The following KCNQ5 variants were observed in gnomAD, a reference collection of about 807,000 sequenced individuals.
KCNQ5 encodes the protein potassium voltage-gated channel subfamily KQT member 5.
KCNQ5 carries 30 observed loss-of-function variants against 98.2 expected under a neutral mutation model. The ratio of observed to expected loss-of-function variants is 0.31; its 90% CI spans 0.23 to 0.41. KCNQ5 has a LOEUF of 0.41. Among genes scored for constraint, KCNQ5 ranks in the 10% least tolerant of loss-of-function variants. The pLI, the probability that KCNQ5 is intolerant of heterozygous loss-of-function variation, is 1.00. For synonymous variants in KCNQ5, 458 were observed against 449.4 expected (o/e 1.02, Z -0.24); for missense variants, 835 against 1,182.5 (o/e 0.71, Z 4.31).
rs541821122 is a variant in KCNQ5, at chr6:72,782,796, C to T, written c.398+160209C>T. Among the ~76,000 whole-genome samples the T allele has an allele frequency of 1.2e-3, 185 of 152,198 alleles. 1 individual carries two copies. Among genetic ancestry groups the T allele is most frequent in the African/African-American group, 4.3e-3 (179 of 41,532 alleles). ...TATTTATTAATGTATTCATTGTCCTCTTGTCTGTCTAGACTCGTAGGCTCT... is the reference window on the plus strand; with the variant it reads ...TATTTATTAATGTATTCATTGTCCTTTTGTCTGTCTAGACTCGTAGGCTCT... On this transcript the variant is annotated intron_variant, in intron 1 of 13. Coordinates refer to ENST00000370398, the MANE Select transcript of KCNQ5 (RefSeq NM_019842.4).
chr6:73,062,931 T>C (rs879612742), intron 3 of KCNQ5, among the ~76,000 whole-genome samples: 10 of 152,184 alleles, frequency 6.6e-5, no homozygotes, highest in African/African-American at 1.4e-4. Context: ...AGCTAATCCT[T>C]AGGACATTTG....
intron 3 of KCNQ5, among the ~76,000 whole-genome samples, chr6:73,073,158 A>C (rs755733128): frequency 3.3e-5 from 5 of 152,188 alleles, no homozygotes; most frequent in Non-Finnish European, 7.4e-5. Flanking sequence ...CCCTGGATGG[A>C]GTGGTATACC....
At chr6:72,650,472 C>G (rs1765818307) in intron 1 of KCNQ5, among the ~76,000 whole-genome samples, 2 of 152,124 alleles carry the variant, frequency 1.3e-5, no homozygotes, top group African/African-American at 4.8e-5. Context: ...GGGAAAAACA[C>G]AGAAATTCCA....
intron 1 of KCNQ5, among the ~76,000 whole-genome samples, chr6:72,885,765 GC>G: frequency 6.6e-6 from 1 of 152,296 alleles, no homozygotes; most frequent in East Asian, 1.9e-4. Context: ...AGGAAGCAGA[GC>G]CTTCTAGCTG....
At chr6:72,903,539 C>T (rs1158946537) in intron 1 of KCNQ5, among the ~76,000 whole-genome samples, 4 of 152,038 alleles carry the variant, frequency 2.6e-5, no homozygotes, top group East Asian at 1.9e-4. Context: ...TCACTACTGT[C>T]GTTCAATTCA....
At chr6:72,787,700 C>T (rs962656422) in intron 1 of KCNQ5, among the ~76,000 whole-genome samples, 1 of 152,224 alleles carries the variant, frequency 6.6e-6, no homozygotes, top group Admixed American at 6.5e-5. Flanking sequence ...CCACTTGAGT[C>T]AGCATGCCAA....
intron 1 of KCNQ5, among the ~76,000 whole-genome samples, chr6:73,003,115 G>A (rs1408683655): frequency 6.6e-6 from 1 of 152,034 alleles, no homozygotes; most frequent in Non-Finnish European, 1.5e-5. Flanking sequence ...TTGAAACAGA[G>A]CCTTCCCTTT....
At chr6:73,079,712 A>C (rs183670588) in intron 5 of KCNQ5, among the ~76,000 whole-genome samples, 18 of 152,358 alleles carry the variant, frequency 1.2e-4, no homozygotes, top group Non-Finnish European at 2.5e-4. Context: ...ATTCACAAGC[A>C]ATAATGGGCA....
intron 10 of KCNQ5, among the ~76,000 whole-genome samples, chr6:73,138,481 C>T (rs1198945253): frequency 2.6e-5 from 4 of 152,302 alleles, no homozygotes; most frequent in East Asian, 1.9e-4. Context: ...CTTTAGGGAG[C>T]TCCACCTTAC....
chr6:73,055,436 T>C, intron 3 of KCNQ5: 1 of 1,534,952 alleles, frequency 6.5e-7, no homozygotes, highest in Non-Finnish European at 9.0e-7. Flanking sequence ...GATCTGCAGG[T>C]GCTCCTATGA....
At chr6:72,838,940 A>T (rs1326574493) in intron 1 of KCNQ5, among the ~76,000 whole-genome samples, 1 of 90,762 alleles carries the variant, frequency 1.1e-5, no homozygotes, top group Non-Finnish European at 2.1e-5. Context: ...ACAGAGCGAG[A>T]CTCCGTCTCA....
At chr6:72,679,347 G>A (rs1320905610) in intron 1 of KCNQ5, among the ~76,000 whole-genome samples, 1 of 151,936 alleles carries the variant, frequency 6.6e-6, no homozygotes, top group Middle Eastern at 3.2e-3. Flanking sequence ...AGATAGACTG[G>A]ATTAAGAAAA....
intron 5 of KCNQ5, among the ~76,000 whole-genome samples, chr6:73,100,640 G>A (rs1774733467): frequency 1.3e-5 from 2 of 150,992 alleles, no homozygotes; most frequent in African/African-American, 2.4e-5. Flanking sequence ...CTGCACTCCA[G>A]CCTGGGCAAC....
chr6:73,171,263 T>TG (rs1778006459), intron 11 of KCNQ5, among the ~76,000 whole-genome samples: 1 of 152,152 alleles, frequency 6.6e-6, no homozygotes, highest in African/African-American at 2.4e-5. Flanking sequence ...ACAAACCCTA[T>TG]GGGTGGAGAG....
intron 10 of KCNQ5, among the ~76,000 whole-genome samples, chr6:73,162,662 A>G (rs1777658414): frequency 1.3e-5 from 2 of 152,232 alleles, no homozygotes; most frequent in Non-Finnish European, 2.9e-5. Context: ...AAAGACATTT[A>G]ATGTGTTACT....
intron 1 of KCNQ5, among the ~76,000 whole-genome samples, chr6:72,966,925 G>A (rs1293669028): frequency 1.3e-5 from 2 of 152,218 alleles, no homozygotes; most frequent in African/African-American, 4.8e-5. Flanking sequence ...TCTGGAGGGA[G>A]TTGGAGGAAT....
intron 1 of KCNQ5, among the ~76,000 whole-genome samples, chr6:72,845,106 C>A (rs187965322): frequency 6.6e-6 from 1 of 152,248 alleles, no homozygotes; most frequent in Non-Finnish European, 1.5e-5. Context: ...CTTTATTATT[C>A]TTTAACATCC....
chr6:73,169,674 G>A (rs571673349), intron 10 of KCNQ5, 72 bp from the exon 11 acceptor site: 36 of 1,088,744 alleles, frequency 3.3e-5, no homozygotes, highest in Middle Eastern at 2.0e-4. Context: ...CCATTTCCAC[G>A]TGAGAAAAAT....
At chr6:72,712,796 C>G (rs1261469811) in intron 1 of KCNQ5, among the ~76,000 whole-genome samples, 1 of 152,116 alleles carries the variant, frequency 6.6e-6, no homozygotes, top group African/African-American at 2.4e-5. Context: ...ATAAGAAAAA[C>G]TTTATTAACT....
Sources: allele counts gnomAD v4.1 joint callset (sites outside exome capture counted in the v4.1 genomes callset), GRCh38; gene constraint gnomAD v4.1.1; transcripts MANE v1.5; gene names NCBI Gene and HGNC (gene_info 2026-07-23, HGNC 2026-07-21).